Variants in ZNRF2 observed in about 807,000 individuals in gnomAD.
ZNRF2 encodes the protein zinc and ring finger 2, also known as E3 ubiquitin-protein ligase ZNRF2.
In ZNRF2, 16 loss-of-function variants were observed where a neutral mutation model predicts 20.4. The ratio of observed to expected loss-of-function variants is 0.79; its 90% CI spans 0.53 to 1.19. The LOEUF (loss-of-function observed/expected upper bound fraction) is 1.19. Ranked by LOEUF, ZNRF2 falls within the 50% of genes most tolerant of loss-of-function variation. The pLI is 0.00. For synonymous variants in ZNRF2, 178 were observed against 144.9 expected (o/e 1.23, Z -1.64); for missense variants, 363 against 332.4 (o/e 1.09, Z -0.72).
At chr7:30,285,944 C>A in intron 1 of ZNRF2, 118 bp downstream of exon 1, 1 of 1,325,128 alleles carries the variant, frequency 7.5e-7, no homozygotes, top group Non-Finnish European at 9.6e-7. Context: ...CGGGGGCTGC[C>A]TCCCGGACCA....
chr7:30,343,850 A>C (rs892072436), intron 2 of ZNRF2, among the ~76,000 whole-genome samples: 5 of 145,426 alleles, frequency 3.4e-5, no homozygotes, highest in African/African-American at 1.3e-4. Flanking sequence ...GGTCAGTGCT[A>C]ATTCTGTCAT....
intron 2 of ZNRF2, among the ~76,000 whole-genome samples, chr7:30,332,666 G>A (rs1479142410): frequency 6.6e-6 from 1 of 152,064 alleles, no homozygotes; most frequent in Non-Finnish European, 1.5e-5. Flanking sequence ...TAGTATAATG[G>A]CCTCTAGCTG....
chr7:30,294,581 G>C (rs150280474), intron 1 of ZNRF2, among the ~76,000 whole-genome samples: 8 of 152,004 alleles, frequency 5.3e-5, no homozygotes, highest in African/African-American at 9.7e-5. Context: ...TCAGGAGTTC[G>C]AGACCAGCCT....
chr7:30,326,781 G>A (rs886406363), intron 2 of ZNRF2, among the ~76,000 whole-genome samples: 5 of 151,988 alleles, frequency 3.3e-5, no homozygotes, highest in Non-Finnish European at 7.4e-5. Context: ...CTTTTTCTCT[G>A]CAGCCTCTCC....
intron 1 of ZNRF2, among the ~76,000 whole-genome samples, chr7:30,304,089 G>T (rs79773027): frequency 6.6e-6 from 1 of 151,950 alleles, no homozygotes; most frequent in Non-Finnish European, 1.5e-5. Context: ...GTTTACCTTC[G>T]CAGTGAAGTC....
At position 30,312,678 on chromosome 7, in the gene ZNRF2, T is replaced by G. The variant is rs144864110; in HGVS notation, c.470-10964T>G. Among the ~76,000 whole-genome samples, 316 of 152,342 alleles carry G rather than the reference T, an allele frequency of 2.1e-3. 2 individuals are homozygous for G. The highest frequency in any genetic ancestry group is 7.3e-3 in the African/African-American group (302 of 41,580). ...GGAAGGTATGTTTTAAAATTATTCC[T>G]TATGTTTTTTAGTTCAGTATAATTA... On this transcript the variant is annotated intron_variant, in intron 1 of 4. Transcript: ENST00000323037.
rs553802369 is a variant in ZNRF2, at chr7:30,306,220, C to T, written c.470-17422C>T. 5.3e-5 allele frequency among the ~76,000 whole-genome samples: 8 copies of T among 151,830 alleles called. No individual in the cohort carries two copies. In the East Asian group the frequency reaches 7.7e-4, roughly 15 times the overall value. ...CCTATCTGCAAGTTGCCTTAAATGG[C>T]GGGTATAAAGCTAGTAGTAAGTAAA... On this transcript the variant is annotated intron_variant, in intron 1 of 4. Coordinates refer to ENST00000323037, the MANE Select transcript of ZNRF2 (RefSeq NM_147128.4).
At chr7:30,320,266 AATTT>A (rs916402741) in intron 1 of ZNRF2, among the ~76,000 whole-genome samples, 34 of 152,234 alleles carry the variant, frequency 2.2e-4, no homozygotes, top group African/African-American at 7.0e-4. Flanking sequence ...CTATATAAAT[AATTT>A]ATCGATACAT....
At chr7:30,298,822 G>A (rs1227084541) in intron 1 of ZNRF2, among the ~76,000 whole-genome samples, 2 of 152,126 alleles carry the variant, frequency 1.3e-5, no homozygotes, top group African/African-American at 2.4e-5. Context: ...TTTTAGGCCT[G>A]CCTTCACCCC....
intron 2 of ZNRF2, among the ~76,000 whole-genome samples, chr7:30,344,142 G>A (rs766885082): frequency 2.0e-5 from 3 of 151,418 alleles, no homozygotes; most frequent in Non-Finnish European, 4.4e-5. Context: ...GGCTGGTCTC[G>A]AACTCCTGAC....
intron 1 of ZNRF2, among the ~76,000 whole-genome samples, chr7:30,291,141 A>G (rs549660705): frequency 6.6e-6 from 1 of 152,372 alleles, no homozygotes; most frequent in East Asian, 1.9e-4. Flanking sequence ...AGAAAAATCC[A>G]CAAAAGTGTG....
intron 2 of ZNRF2, among the ~76,000 whole-genome samples, chr7:30,347,220 C>T (rs1799892498): frequency 6.6e-6 from 1 of 152,138 alleles, no homozygotes; most frequent in Non-Finnish European, 1.5e-5. Context: ...GTCGGTCATA[C>T]TGTTATCTTT....
chr7:30,339,263 T>G (rs1170932646), intron 2 of ZNRF2, among the ~76,000 whole-genome samples: 1 of 152,214 alleles, frequency 6.6e-6, no homozygotes, highest in South Asian at 2.1e-4. Context: ...CAGAAGCTCT[T>G]TAGTTTAATT....
intron 3 of ZNRF2, among the ~76,000 whole-genome samples, 184 bp downstream of exon 3, chr7:30,356,017 A>G (rs1800030846): frequency 6.6e-6 from 1 of 152,180 alleles, no homozygotes; most frequent in African/African-American, 2.4e-5. Flanking sequence ...TTTGTATCCA[A>G]AAGGCTACTA....
At chr7:30,313,632 T>G (rs1472960661) in intron 1 of ZNRF2, among the ~76,000 whole-genome samples, 2 of 152,178 alleles carry the variant, frequency 1.3e-5, no homozygotes, top group African/African-American at 4.8e-5. Flanking sequence ...CCAAAAGTGC[T>G]TTGCATACTT....
At position 30,285,573 on chromosome 7, in the gene ZNRF2, GGCAGCCCCGGCGGCCCCGC is replaced by G. The variant is rs1798764161; in HGVS notation, c.223_241del (p.Pro75AlafsTer62). ...GCGCCGCGGCGGCCGCGGCGGCCCC[GGCAGCCCCGGCGGCCCCGC>G]GCAGCCGCTCCCTCGGCGGGGCCGT... On this transcript the variant is annotated frameshift_variant, in exon 1 of 5. Transcript: ENST00000323037. LOFTEE classifies it high-confidence loss of function. 1 of 991,514 alleles carries G rather than the reference GGCAGCCCCGGCGGCCCCGC, an allele frequency of 1.0e-6. No individual in the cohort carries two copies. Among genetic ancestry groups the G allele is most frequent in the Non-Finnish European group, 1.2e-6 (1 of 836,008 alleles). The allele number at this position is 991,514 out of a possible 1,614,324, so 61.4% of individuals were successfully genotyped here. A position where few individuals can be genotyped will look rare whatever the true frequency, so the allele number is the denominator to read the frequency against.
chr7:30,322,061 A>C (rs1316421327), intron 1 of ZNRF2, among the ~76,000 whole-genome samples: 1 of 151,804 alleles, frequency 6.6e-6, no homozygotes, highest in Non-Finnish European at 1.5e-5. Context: ...GAAGTTTATG[A>C]ATTTGTGTTG....
intron 4 of ZNRF2, among the ~76,000 whole-genome samples, chr7:30,365,578 G>A (rs779215617): frequency 6.6e-6 from 1 of 152,068 alleles, no homozygotes; most frequent in Non-Finnish European, 1.5e-5. Context: ...ATAAATTCTT[G>A]TATACCTTTT....
intron 2 of ZNRF2, among the ~76,000 whole-genome samples, chr7:30,345,292 GCTT>G (rs1169545481): frequency 2.0e-5 from 3 of 151,416 alleles, no homozygotes; most frequent in African/African-American, 4.9e-5. Context: ...TTCTTCTAGT[GCTT>G]CTTCTAGTTT....
Sources: allele counts gnomAD v4.1 joint callset (sites outside exome capture counted in the v4.1 genomes callset), GRCh38; gene constraint gnomAD v4.1.1; transcripts MANE v1.5; gene names NCBI Gene and HGNC (gene_info 2026-07-23, HGNC 2026-07-21).